Variants in MRPL45 observed in about 807,000 individuals in gnomAD.
MRPL45 encodes mitochondrial ribosomal protein L45.
Under a neutral mutation model 38.1 loss-of-function variants are expected in MRPL45, and 20 were observed. The observed-to-expected ratio is 0.53, with a 90% CI of 0.37 to 0.76. MRPL45 has a LOEUF of 0.76. MRPL45 is among the 30% of genes least tolerant of loss of function. MRPL45 has a pLI of 0.00. For missense variants in MRPL45, 337 were observed against 395.6 expected, an observed-to-expected ratio of 0.85 and a Z score of 1.26; for synonymous variants, 105 against 128.8, an observed-to-expected ratio of 0.82 and a Z score of 1.25.
At chr17:38,310,648 C>T (rs1460356785) in intron 4 of MRPL45, among the ~76,000 whole-genome samples, 2 of 151,958 alleles carry the variant, frequency 1.3e-5, no homozygotes, top group Non-Finnish European at 2.9e-5. Flanking sequence ...GTTTTTGAGA[C>T]AGGCTCTTGC....
At chr17:38,300,500 TTTGTACTGTTCA>T (rs2036983128) in intron 3 of MRPL45, among the ~76,000 whole-genome samples, 1 of 152,050 alleles carries the variant, frequency 6.6e-6, no homozygotes, top group Non-Finnish European at 1.5e-5. Flanking sequence ...TTTTTTTAAA[TTTGTACTGTTCA>T]TTGCAGAGCA....
At chr17:38,314,567 C>T (rs1393913245) in intron 4 of MRPL45, among the ~76,000 whole-genome samples, 1 of 152,140 alleles carries the variant, frequency 6.6e-6, no homozygotes, top group African/African-American at 2.4e-5. Context: ...TTTCCCCTTC[C>T]TTTTTCTCTA....
intron 4 of MRPL45, among the ~76,000 whole-genome samples, chr17:38,314,183 C>T (rs1424878982): frequency 6.6e-6 from 1 of 152,124 alleles, no homozygotes; most frequent in Non-Finnish European, 1.5e-5. Flanking sequence ...CGGCTCACCG[C>T]AACCTCTGCC....
At chr17:38,313,367 CGTATAT>C (rs2037143059) in intron 4 of MRPL45, among the ~76,000 whole-genome samples, 2 of 17,056 alleles carry the variant, frequency 1.2e-4, no homozygotes, top group African/African-American at 5.4e-4. Flanking sequence ...TATATATATA[CGTATAT>C]ATATATATAT....
intron 3 of MRPL45, among the ~76,000 whole-genome samples, chr17:38,306,038 A>G (rs895137815): frequency 6.6e-6 from 1 of 152,136 alleles, no homozygotes; most frequent in African/African-American, 2.4e-5. Flanking sequence ...AAATTTCACT[A>G]TGAGAAGTCT....
intron 5 of MRPL45, 105 bp from the exon 6 acceptor site, chr17:38,320,513 C>G: frequency 8.4e-7 from 1 of 1,192,988 alleles, no homozygotes; most frequent in Non-Finnish European, 1.2e-6. Flanking sequence ...GGGAAACGTG[C>G]TGCCTGTTGG....
intron 6 of MRPL45, 133 bp downstream of exon 6, chr17:38,320,900 C>A: frequency 1.2e-6 from 1 of 817,844 alleles, no homozygotes; most frequent in Non-Finnish European, 2.0e-6. Flanking sequence ...GTCTTCCTTG[C>A]TGTGCCGCTG....
rs751502987 is a variant in MRPL45, at chr17:38,323,006, G to C, written c.*411G>C. 15 of 167,010 alleles carry C rather than the reference G, an allele frequency of 9.0e-5. No individual in the cohort carries two copies. The highest frequency in any genetic ancestry group is 1.6e-4 in the Non-Finnish European group (12 of 76,310). 10.3% of individuals were successfully genotyped at this position (167,010 alleles called of 1,614,324 possible). Reference sequence around the variant, plus strand: ...TTGGTGAGTTCTGCACATTTCCCCTGGTTCAGGCTGGGCATGGACCAGCCT... The same window carrying C: ...TTGGTGAGTTCTGCACATTTCCCCTCGTTCAGGCTGGGCATGGACCAGCCT... On this transcript the variant is annotated 3_prime_UTR_variant, in exon 8 of 8. Transcript: ENST00000613675.
chr17:38,320,739 A>T lies in MRPL45; in HGVS notation c.632A>T (p.Gln211Leu). 6.2e-7 allele frequency: 1 copy of T among 1,614,136 alleles called. No individual in the cohort carries two copies. The highest frequency in any genetic ancestry group is 8.5e-7 in the Non-Finnish European group (1 of 1,180,032). The part of the protein sequence containing the change: ...SMMNQGNVYG[Q>L]ITVRMHTRQT... ...ATGAACCAGGGCAACGTGTACGGCCAGATCACCGTACGCATGCACACCCGG... is the reference window on the plus strand; with the variant it reads ...ATGAACCAGGGCAACGTGTACGGCCTGATCACCGTACGCATGCACACCCGG... The change falls in exon 6 of 8, where the codon CAG (glutamine) becomes CTG (leucine). Residue 211 changes from glutamine to leucine, a missense_variant. Coordinates refer to ENST00000613675, the MANE Select transcript of MRPL45 (RefSeq NM_032351.6).
intron 4 of MRPL45, among the ~76,000 whole-genome samples, chr17:38,309,565 A>G (rs1280069801): frequency 1.3e-5 from 2 of 150,940 alleles, no homozygotes; most frequent in East Asian, 3.9e-4. Flanking sequence ...TCTTTTTAGT[A>G]TTCAGCAATT....
At chr17:38,315,096 A>G (rs1205917109) in intron 4 of MRPL45, among the ~76,000 whole-genome samples, 1 of 152,254 alleles carries the variant, frequency 6.6e-6, no homozygotes, top group Non-Finnish European at 1.5e-5. Flanking sequence ...ATTATAAACC[A>G]AAAGTACAGT....
intron 4 of MRPL45, among the ~76,000 whole-genome samples, chr17:38,307,584 ATCC>A: frequency 6.6e-6 from 1 of 151,960 alleles, no homozygotes; most frequent in East Asian, 1.9e-4. Flanking sequence ...GGCTCAAGCA[ATCC>A]TCCTGCCTTG....
intron 4 of MRPL45, among the ~76,000 whole-genome samples, chr17:38,312,514 C>G (rs1481671465): frequency 1.3e-5 from 2 of 152,040 alleles, no homozygotes; most frequent in Non-Finnish European, 2.9e-5. Context: ...CTCGTGCTTT[C>G]AATTCATTTG....
In MRPL45 at chr17:38,297,225, G is replaced by C; in HGVS notation, c.42G>C (p.Arg14Ser). Residue 14 changes from arginine (R) to serine (S), a missense_variant, in exon 1 of 8, where the codon AGG (arginine) becomes AGC (serine). Arg to Ser is a moderately radical substitution (Grantham distance 110). Transcript: ENST00000613675. ...PIPQGFSCLS[R>S]FLGWWSRQPV... ...CTCAAGGGTTCTCTTGTTTATCGAGGTTTTTGGGCTGGTGGTCTCGGCAGG... is the reference window on the plus strand; with the variant it reads ...CTCAAGGGTTCTCTTGTTTATCGAGCTTTTTGGGCTGGTGGTCTCGGCAGG... 1 of 1,614,212 alleles carries C rather than the reference G, an allele frequency of 6.2e-7. No individual in the cohort carries two copies. The highest frequency in any genetic ancestry group is 8.5e-7 in the Non-Finnish European group (1 of 1,180,034).
At chr17:38,311,735 A>C (rs1417901386) in intron 4 of MRPL45, among the ~76,000 whole-genome samples, 3 of 148,868 alleles carry the variant, frequency 2.0e-5, no homozygotes, top group Non-Finnish European at 3.0e-5. Flanking sequence ...CACCCCTTCC[A>C]CCCACTGACG....
chr17:38,297,931 T>C (rs931275477), intron 1 of MRPL45, among the ~76,000 whole-genome samples: 5 of 152,072 alleles, frequency 3.3e-5, no homozygotes, highest in Non-Finnish European at 7.3e-5. Context: ...ACCTGGTCTT[T>C]ACAAAAAAAT....
chr17:38,298,696 G>A, intron 2 of MRPL45, 70 bp downstream of exon 2: 2 of 1,470,456 alleles, frequency 1.4e-6, no homozygotes, highest in Non-Finnish European at 1.9e-6. Context: ...GGATGACTTG[G>A]ACTATGATTG....
At chr17:38,317,819 C>A (rs963559755) in intron 4 of MRPL45, among the ~76,000 whole-genome samples, 1 of 151,818 alleles carries the variant, frequency 6.6e-6, no homozygotes, top group South Asian at 2.1e-4. Context: ...ATGATCCACC[C>A]GCCTCGGCCT....
At chr17:38,297,753 C>T (rs1431879488) in intron 1 of MRPL45, among the ~76,000 whole-genome samples, 2 of 152,060 alleles carry the variant, frequency 1.3e-5, no homozygotes, top group East Asian at 1.9e-4. Flanking sequence ...CAAAATATCA[C>T]GAGTACATAT....
Sources: allele counts gnomAD v4.1 joint callset (sites outside exome capture counted in the v4.1 genomes callset), GRCh38; gene constraint gnomAD v4.1.1; transcripts MANE v1.5; gene names NCBI Gene and HGNC (gene_info 2026-07-23, HGNC 2026-07-21).